Variants in KIF26B observed in about 807,000 individuals in gnomAD.
KIF26B encodes the protein kinesin family member 26B, also known as kinesin-like protein KIF26B.
In KIF26B, 63 loss-of-function variants were observed where a neutral mutation model predicts 151.2. That is an observed-to-expected ratio of 0.42 (90% CI 0.34 to 0.51). The LOEUF (loss-of-function observed/expected upper bound fraction) is 0.51. Among genes scored for constraint, KIF26B ranks in the 20% least tolerant of loss-of-function variants. KIF26B has a pLI of 0.07. For synonymous variants in KIF26B, 1,357 were observed against 1,262.1 expected (o/e 1.08, Z -1.59); for missense variants, 2,813 against 2,913.6 (o/e 0.97, Z 0.79).
At chr1:245,465,067 C>T (rs1659752494) in intron 4 of KIF26B, among the ~76,000 whole-genome samples, 2 of 147,772 alleles carry the variant, frequency 1.4e-5, no homozygotes, top group South Asian at 4.4e-4. Flanking sequence ...CAAGCTCCGC[C>T]TCCCGGGTTC....
rs1468492592 is a variant in KIF26B at position 245,511,139 on chromosome 1, C to T, written c.1167-29628C>T. 9.8e-6 allele frequency: 7 copies of T among 717,134 alleles called. No individual in the cohort carries two copies. The South Asian group carries it at 1.0e-4, about 11-fold the overall frequency. 44.4% of individuals were successfully genotyped at this position (717,134 alleles called of 1,614,324 possible). On this transcript the variant is annotated intron_variant, in intron 4 of 14. Coordinates refer to ENST00000407071, the MANE Select transcript of KIF26B (RefSeq NM_018012.4). Reference sequence around the variant, plus strand: ...GGATTGGAAAGCAGTGTAAGTAACGCAGTTATATATGTTGCTGGAGTTAGG... The same window carrying T: ...GGATTGGAAAGCAGTGTAAGTAACGTAGTTATATATGTTGCTGGAGTTAGG...
At chr1:245,593,668 A>T (rs1215845140) in intron 5 of KIF26B, among the ~76,000 whole-genome samples, 1 of 152,092 alleles carries the variant, frequency 6.6e-6, no homozygotes, top group Non-Finnish European at 1.5e-5. Flanking sequence ...ATGATTTATA[A>T]TCCTTTGGGT....
At chr1:245,365,902 G>A (rs138318569) in intron 2 of KIF26B, among the ~76,000 whole-genome samples, 3 of 152,274 alleles carry the variant, frequency 2.0e-5, no homozygotes, top group Non-Finnish European at 2.9e-5. Flanking sequence ...GATACTCAAC[G>A]AACACTCCTG....
chr1:245,438,542 TA>T (rs1658987695), intron 4 of KIF26B, among the ~76,000 whole-genome samples: 1 of 152,166 alleles, frequency 6.6e-6, no homozygotes, highest in African/African-American at 2.4e-5. Context: ...TCTAGGTATA[TA>T]CCAAAGAAAA....
intron 2 of KIF26B, among the ~76,000 whole-genome samples, chr1:245,350,577 ACC>A (rs1363530435): frequency 0.036 from 5,458 of 152,174 alleles, 293 homozygotes; most frequent in African/African-American, 0.12. Context: ...ACTCTGGTCT[ACC>A]ATATGACCTG....
intron 2 of KIF26B, among the ~76,000 whole-genome samples, chr1:245,253,009 A>ACTT: frequency 7.4e-6 from 1 of 135,260 alleles, no homozygotes; most frequent in Non-Finnish European, 1.6e-5. Flanking sequence ...TTTTTTCTTA[A>ACTT]TTTTTTTTTT....
intron 4 of KIF26B, among the ~76,000 whole-genome samples, chr1:245,514,637 C>T (rs1660910034): frequency 6.6e-6 from 1 of 151,942 alleles, no homozygotes; most frequent in African/African-American, 2.4e-5. Flanking sequence ...TGAAAAATGC[C>T]TCTGCAAGTT....
At chr1:245,316,963 G>A (rs1321912023) in intron 2 of KIF26B, among the ~76,000 whole-genome samples, 5 of 149,592 alleles carry the variant, frequency 3.3e-5, no homozygotes, top group African/African-American at 1.3e-4. Context: ...ACCTGGTGAT[G>A]GATGCTGTAG....
At chr1:245,208,429 A>G (rs1279522861) in intron 2 of KIF26B, among the ~76,000 whole-genome samples, 2 of 152,174 alleles carry the variant, frequency 1.3e-5, no homozygotes, top group Non-Finnish European at 2.9e-5. Flanking sequence ...CTCTAAGGAC[A>G]TAAAATAAAC....
At chr1:245,200,865 T>C (rs996082494) in intron 2 of KIF26B, among the ~76,000 whole-genome samples, 3 of 152,216 alleles carry the variant, frequency 2.0e-5, no homozygotes, top group African/African-American at 7.2e-5. Context: ...GGCATAATAC[T>C]GATGGGACCA....
Position 245,602,818 on chromosome 1 carries a change from T to C in KIF26B, c.1557+35T>C. The C allele has an allele frequency of 4.4e-6, 7 of 1,598,508 alleles. No individual in the cohort carries two copies. The highest frequency in any genetic ancestry group is 1.7e-5 in the Admixed American group (1 of 59,980). On this transcript the variant is annotated intron_variant, in intron 6 of 14. Coordinates refer to ENST00000407071, the MANE Select transcript of KIF26B (RefSeq NM_018012.4). The surrounding 1 kb of genome is among the most constrained non-coding windows in gnomAD (Gnocchi z 4.5). The stretch of plus-strand genomic sequence containing the variant: ...AGCCCCCTCTCAGGCTCAGGCAACG[T>C]TGATGAAAGGGCAACGTTTACTCAT...
chr1:245,423,600 A>T (rs930236980), intron 4 of KIF26B, among the ~76,000 whole-genome samples: 4 of 151,696 alleles, frequency 2.6e-5, no homozygotes, highest in Middle Eastern at 3.4e-3. Flanking sequence ...CAACAGAAAA[A>T]CCCCCAATTT....
intron 2 of KIF26B, among the ~76,000 whole-genome samples, chr1:245,201,387 C>G (rs1669299032): frequency 6.6e-6 from 1 of 152,224 alleles, no homozygotes; most frequent in Non-Finnish European, 1.5e-5. Flanking sequence ...ACACAGAGAT[C>G]ATTTAAATGC....
chr1:245,674,023 C>A (rs1188297557), intron 10 of KIF26B: 3 of 152,242 alleles, frequency 2.0e-5, no homozygotes, highest in African/African-American at 7.2e-5. Context: ...TGCATTGCTG[C>A]AGAGATCTCT....
rs758993117 is a variant in KIF26B, at chr1:245,184,050, GTTTTTTTT to G, written c.465+27379_465+27386del. 3.7e-3 allele frequency among the ~76,000 whole-genome samples: 73 copies of G among 19,818 alleles called. 11 individuals carry two copies. Among genetic ancestry groups the G allele is most frequent in the Admixed American group, 0.014 (14 of 966 alleles). 13.0% of individuals were successfully genotyped at this position (19,818 alleles called of 152,430 possible). A position where few individuals can be genotyped will look rare whatever the true frequency, so the allele number is the denominator to read the frequency against. On this transcript the variant is annotated intron_variant, in intron 2 of 14. Coordinates refer to ENST00000407071, the MANE Select transcript of KIF26B (RefSeq NM_018012.4). ...GCAACAGGTATGGGTGGGAGTTGTT[GTTTTTTTT>G]TTTTTTTTTTTGAGCTTTCTTAAGT...
chr1:245,664,696 C>CT (rs1486389992), intron 10 of KIF26B, among the ~76,000 whole-genome samples: 1 of 152,118 alleles, frequency 6.6e-6, no homozygotes, highest in Non-Finnish European at 1.5e-5. Context: ...GTTAAAACTG[C>CT]TTTATATTGT....
At chr1:245,271,877 T>TG (rs1670861738) in intron 2 of KIF26B, among the ~76,000 whole-genome samples, 1 of 152,202 alleles carries the variant, frequency 6.6e-6, no homozygotes. Flanking sequence ...AAAAACAAGT[T>TG]TGGAAGTGTT....
chr1:245,417,868 C>G (rs1013877686), intron 3 of KIF26B, among the ~76,000 whole-genome samples: 2 of 151,080 alleles, frequency 1.3e-5, no homozygotes, highest in South Asian at 2.1e-4. Flanking sequence ...GGAATCCCTT[C>G]CCTCCAAATT....
At chr1:245,448,106 A>G (rs1366465794) in intron 4 of KIF26B, among the ~76,000 whole-genome samples, 1 of 152,282 alleles carries the variant, frequency 6.6e-6, no homozygotes, top group East Asian at 1.9e-4. Context: ...ACTATCCATT[A>G]GTAATGGCCC....
Sources: allele counts gnomAD v4.1 joint callset (sites outside exome capture counted in the v4.1 genomes callset), GRCh38; gene constraint gnomAD v4.1.1; non-coding constraint Gnocchi (gnomAD v3.1); transcripts MANE v1.5; gene names NCBI Gene and HGNC (gene_info 2026-07-23, HGNC 2026-07-21).